Variants in REEP2 observed in about 807,000 individuals in gnomAD.
REEP2 encodes receptor expression-enhancing protein 2.
Under a neutral mutation model 32.1 loss-of-function variants are expected in REEP2, and 9 were observed. The ratio of observed to expected loss-of-function variants is 0.28; its 90% CI spans 0.17 to 0.49. REEP2 has a LOEUF of 0.49. REEP2 is among the 20% of genes least tolerant of loss of function. The pLI, the probability that REEP2 is intolerant of heterozygous loss-of-function variation, is 0.99. For synonymous variants in REEP2, 128 were observed against 139.1 expected, an observed-to-expected ratio of 0.92 and a Z score of 0.56; for missense variants, 236 against 338.0, an observed-to-expected ratio of 0.70 and a Z score of 2.37.
chr5:138,442,578 G>A (rs1763844979), intron 3 of REEP2, among the ~76,000 whole-genome samples: 1 of 152,124 alleles, frequency 6.6e-6, no homozygotes, highest in Non-Finnish European at 1.5e-5. Flanking sequence ...AGGCATGGCA[G>A]GGCGCAGTGG....
At chr5:138,439,815 A>G in intron 1 of REEP2, 1 of 454,534 alleles carries the variant, frequency 2.2e-6, no homozygotes. Context: ...CTCGGAGGAC[A>G]AAGTGTGAGA....
Position 138,445,754 on chromosome 5 carries a change from C to T in REEP2, c.*3C>T. On this transcript the variant is annotated 3_prime_UTR_variant, in exon 8 of 8. Coordinates refer to ENST00000378339, the MANE Select transcript of REEP2 (RefSeq NM_001271803.2). ...CTGGCGGGGGCGACTCAGCTTGAGCCCCTCCACCCCCGCAGGCTGCAGAGC... is the reference window on the plus strand; with the variant it reads ...CTGGCGGGGGCGACTCAGCTTGAGCTCCTCCACCCCCGCAGGCTGCAGAGC... 6.2e-7 allele frequency: 1 copy of T among 1,613,294 alleles called. No individual in the cohort carries two copies. Among genetic ancestry groups the T allele is most frequent in the Non-Finnish European group, 8.5e-7 (1 of 1,179,698 alleles).
Position 138,445,449 on chromosome 5 carries a change from C to G in REEP2, c.566-19C>G. On this transcript the variant is annotated intron_variant, in intron 6 of 7. Coordinates refer to ENST00000378339, the MANE Select transcript of REEP2 (RefSeq NM_001271803.2). ...CAGATGGGAAAGATTCCCCCACCTC[C>G]TTTTCTCCCTGCACCCAGGAGATGA... is the stretch of plus-strand genomic sequence containing the variant. 3 of 1,614,086 alleles carry G rather than the reference C, an allele frequency of 1.9e-6. No individual in the cohort carries two copies. The highest frequency in any genetic ancestry group is 2.7e-5 in the African/African-American group (2 of 75,052).
chr5:138,440,131 A>T (rs2127021029), intron 1 of REEP2, among the ~76,000 whole-genome samples: 1 of 152,272 alleles, frequency 6.6e-6, no homozygotes, highest in South Asian at 2.1e-4. Flanking sequence ...TGGTTCTCGG[A>T]GCTATCCCCT....
rs772525468 is a variant in REEP2, at chr5:138,439,193, C to T, written c.-16C>T. The T allele has an allele frequency of 2.9e-6, 4 of 1,362,490 alleles. No homozygotes were observed. The African/African-American group carries it at 6.0e-5, about 21-fold the overall frequency. The allele number at this position is 1,362,490 out of a possible 1,614,324, so 84.4% of individuals were successfully genotyped here. A position where few individuals can be genotyped will look rare whatever the true frequency, so the allele number is the denominator to read the frequency against. On this transcript the variant is annotated 5_prime_UTR_variant, in exon 1 of 8. Coordinates refer to ENST00000378339, the MANE Select transcript of REEP2 (RefSeq NM_001271803.2). ...GCCGGGCCGGGTCCCCGCCCCGCGCCGCGCCCGGCCCCGCCATGGTGTCCT... is the reference window on the plus strand; with the variant it reads ...GCCGGGCCGGGTCCCCGCCCCGCGCTGCGCCCGGCCCCGCCATGGTGTCCT...
chr5:138,445,701 C>T lies in REEP2; in HGVS notation c.715C>T (p.Leu239=). ...TCCACAGCCACTGGCTTCCAAGACA[C>T]TGAAGACCCGGCCCAAGAAGAAGAC... ...PKAEPLASKT[L]KTRPKKKTSG... Residue 239 remains leucine, a synonymous_variant, in exon 8 of 8, where the codon CTG becomes TTG. Coordinates refer to ENST00000378339, the MANE Select transcript of REEP2 (RefSeq NM_001271803.2). The T allele has an allele frequency of 6.2e-7, 1 of 1,614,168 alleles. No homozygotes were observed. Among genetic ancestry groups the T allele is most frequent in the Non-Finnish European group, 8.5e-7 (1 of 1,180,028 alleles).
In REEP2 at chr5:138,445,650, G is replaced by A. The variant is rs756400294; in HGVS notation, c.697-33G>A. ...AAACAGGCAGGGGGTGGCGGCTCCA[G>A]GCTGAGCCCCATCTTCCTCCTTCTT... On this transcript the variant is annotated intron_variant, in intron 7 of 7. Transcript: ENST00000378339. 11 of 1,614,018 alleles carry A rather than the reference G, an allele frequency of 6.8e-6. No homozygotes were observed. In the Admixed American group the frequency reaches 1.0e-4, roughly 15 times the overall value.
rs1561807901 is a variant in REEP2 at position 138,445,577 on chromosome 5, C to T, written c.675C>T (p.Ile225=). The T allele has an allele frequency of 2.5e-6, 4 of 1,614,158 alleles. No individual in the cohort carries two copies. Among genetic ancestry groups the T allele is most frequent in the South Asian group, 2.2e-5 (2 of 91,066 alleles). ...GDKAPKRAKP[I]KKAPKAEPLA... The stretch of plus-strand genomic sequence containing the variant: ...AAGCTCCCAAGAGGGCCAAACCCAT[C>T]AAAAAAGCGCCCAAAGCTGAGGTGA... The change falls in exon 7 of 8, where the codon ATC becomes ATT. Residue 225 remains isoleucine (I), a synonymous_variant. Transcript: ENST00000378339.
Position 138,445,928 on chromosome 5 carries a change from G to A in REEP2, c.*177G>A, listed in dbSNP as rs375966353. 2.3e-4 allele frequency: 149 copies of A among 653,148 alleles called. 1 individual carries two copies. In the East Asian group the frequency reaches 2.9e-3, roughly 13 times the overall value. 40.5% of individuals were successfully genotyped at this position (653,148 alleles called of 1,614,324 possible). ...CTTCTGGAAGGGGCTTGGAAAAGAGGAAGGAGGCCCAGCTGTGGGGGTTGA... is the reference window on the plus strand; with the variant it reads ...CTTCTGGAAGGGGCTTGGAAAAGAGAAAGGAGGCCCAGCTGTGGGGGTTGA... On this transcript the variant is annotated 3_prime_UTR_variant, in exon 8 of 8. Coordinates refer to ENST00000378339, the MANE Select transcript of REEP2 (RefSeq NM_001271803.2).
chr5:138,445,187 C>A, intron 5 of REEP2, 41 bp from the exon 6 acceptor site: 1 of 1,544,822 alleles, frequency 6.5e-7, no homozygotes, highest in Non-Finnish European at 8.7e-7. Context: ...TCCACCCCGC[C>A]CCTTCCCCCC....
chr5:138,439,410 A>T (rs1052245760), intron 1 of REEP2, among the ~76,000 whole-genome samples, 170 bp downstream of exon 1: 1 of 151,358 alleles, frequency 6.6e-6, no homozygotes, highest in African/African-American at 2.4e-5. Flanking sequence ...TGGAGGGGGG[A>T]ATATTAGGGG....
In REEP2 at chr5:138,439,134, C is replaced by G. The variant is rs1763772769; in HGVS notation, c.-75C>G. On this transcript the variant is annotated 5_prime_UTR_variant, in exon 1 of 8. Transcript: ENST00000378339. The stretch of plus-strand genomic sequence containing the variant: ...CTACTGCGGCTCCTGCTGCCGCCGC[C>G]GCCGCCGCTCGGCCTCAGGCAGCTG... 1.0e-6 allele frequency: 1 copy of G among 988,208 alleles called. No individual in the cohort carries two copies. The highest frequency in any genetic ancestry group is 4.8e-5 in the South Asian group (1 of 20,740). 61.2% of individuals were successfully genotyped at this position (988,208 alleles called of 1,614,324 possible). A position where few individuals can be genotyped will look rare whatever the true frequency, so the allele number is the denominator to read the frequency against.
At chr5:138,442,294 C>T (rs915106798) in intron 3 of REEP2, among the ~76,000 whole-genome samples, 4 of 152,236 alleles carry the variant, frequency 2.6e-5, no homozygotes, top group Non-Finnish European at 5.9e-5. Flanking sequence ...CACAGTTCAT[C>T]GGAACTCAAG....
chr5:138,440,848 C>A, intron 1 of REEP2, 168 bp from the exon 2 acceptor site: 1 of 1,325,764 alleles, frequency 7.5e-7, no homozygotes. Context: ...CCCTACCTGG[C>A]TGGGCATGTT....
At chr5:138,444,994 A>T (rs1763899061) in intron 5 of REEP2, 127 bp downstream of exon 5, 6 of 784,070 alleles carry the variant, frequency 7.7e-6, no homozygotes, top group Non-Finnish European at 1.0e-5. Context: ...TGGAGGCTCC[A>T]GTCCAGGCTC....
Position 138,441,264 on chromosome 5 carries a change from C to G in REEP2, c.106-121C>G. 1 of 1,266,958 alleles carries G rather than the reference C, an allele frequency of 7.9e-7. No individual in the cohort carries two copies. The allele number at this position is 1,266,958 out of a possible 1,614,324, so 78.5% of individuals were successfully genotyped here. ...CAGCGCCTCCAACATGGCTGGCAGG[C>G]AGAAGTGGGGTCCTTGGTGTTCTCC... On this transcript the variant is annotated intron_variant, in intron 2 of 7. Transcript: ENST00000378339. This position sits in a 1 kb window ranked among gnomAD's most constrained non-coding sequence, Gnocchi z 4.4.
intron 5 of REEP2, 46 bp from the exon 6 acceptor site, chr5:138,445,182 C>A (rs758030708): frequency 6.5e-7 from 1 of 1,541,484 alleles, no homozygotes. Flanking sequence ...CTATCTCCAC[C>A]CCGCCCCTTC....
At position 138,445,822 on chromosome 5, in the gene REEP2, C is replaced by A; in HGVS notation, c.*71C>A. ...AGGGGCCTCAGACCCAGCCCCTGCT[C>A]CACACTGTGCCAGTAGCCTAGGTGT... On this transcript the variant is annotated 3_prime_UTR_variant, in exon 8 of 8. Transcript: ENST00000378339. The A allele has an allele frequency of 7.0e-7, 1 of 1,433,454 alleles. No individual in the cohort carries two copies. The highest frequency in any genetic ancestry group is 1.3e-5 in the South Asian group (1 of 77,068). The allele number at this position is 1,433,454 out of a possible 1,614,324, so 88.8% of individuals were successfully genotyped here.
In REEP2 at chr5:138,446,686, C is replaced by T. The variant is rs886080182; in HGVS notation, c.*935C>T. The T allele has an allele frequency of 1.3e-5, 2 of 152,716 alleles. No homozygotes were observed. The highest frequency in any genetic ancestry group is 1.9e-4 in the East Asian group (1 of 5,182). The allele number at this position is 152,716 out of a possible 1,614,324, so 9.5% of individuals were successfully genotyped here. A position where few individuals can be genotyped will look rare whatever the true frequency, so the allele number is the denominator to read the frequency against. On this transcript the variant is annotated 3_prime_UTR_variant, in exon 8 of 8. Coordinates refer to ENST00000378339, the MANE Select transcript of REEP2 (RefSeq NM_001271803.2). ...CACCCCTGCTCTGTCTGGTACAGGC[C>T]CCTGCTGAGTGGGCCCCTCTCCTCT...
Sources: gnomAD v4.1 joint callset for allele counts (sites outside exome capture counted in the v4.1 genomes callset) on GRCh38, gnomAD v4.1.1 for gene constraint, Gnocchi (gnomAD v3.1) non-coding constraint, MANE v1.5 for transcripts, NCBI Gene and HGNC (gene_info 2026-07-23, HGNC 2026-07-21) for gene names.